Variants in FARP2 observed in about 807,000 individuals in gnomAD.
FARP2 encodes FERM, ARHGEF and pleckstrin domain-containing protein 2.
FARP2 carries 111 observed loss-of-function variants against 130.5 expected under a neutral mutation model. The observed-to-expected ratio is 0.85, with a 90% CI of 0.73 to 1.00. The LOEUF (loss-of-function observed/expected upper bound fraction) is 1.00, where lower values mean the gene tolerates loss of function less well. FARP2 is among the 50% of genes least tolerant of loss of function. The probability of loss-of-function intolerance (pLI) is 0.00; values close to 1 mark genes in which losing one functional copy is unlikely to be tolerated. For synonymous variants in FARP2, 504 were observed against 516.9 expected (o/e 0.98, Z 0.34); for missense variants, 1,385 against 1,346.3 (o/e 1.03, Z -0.45).
At chr2:241,489,647 A>C (rs2064845631) in intron 21 of FARP2, 1 of 202,442 alleles carries the variant, frequency 4.9e-6, no homozygotes, top group East Asian at 1.1e-4. Context: ...TTCATAAATG[A>C]ATTGTCCAAC....
chr2:241,386,736 CCCAGATTTGTT>C (rs2061792854), intron 2 of FARP2: 1 of 152,216 alleles, frequency 6.6e-6, no homozygotes, highest in Non-Finnish European at 1.5e-5. Flanking sequence ...ACCAATTTCA[CCCAGATTTGTT>C]ATCTTACAAA....
At chr2:241,468,047 C>T in intron 17 of FARP2, 93 bp from the exon 18 acceptor site, 1 of 892,918 alleles carries the variant, frequency 1.1e-6, no homozygotes, top group Non-Finnish European at 1.9e-6. Context: ...GTGGGGATTT[C>T]CAGCCGGCAC....
chr2:241,474,192 G>A (rs1315122415), intron 18 of FARP2, among the ~76,000 whole-genome samples: 2 of 151,842 alleles, frequency 1.3e-5, no homozygotes, highest in East Asian at 2.0e-4. Flanking sequence ...TGTAGTCCCA[G>A]CTACTCGGGA....
chr2:241,493,597 G>GTTTGTT (rs2065012838), intron 26 of FARP2, 153 bp downstream of exon 26: 1 of 525,772 alleles, frequency 1.9e-6, no homozygotes, highest in Non-Finnish European at 3.3e-6. Context: ...GCAATGCTTT[G>GTTTGTT]TTTTTTTTTT....
rs1216008034 is a variant in FARP2, at chr2:241,489,951, C to T, written c.2422-11C>T. ...TGGCCACAAGACTTGGACCGTTTCTCCCACCCACAGGTGGAAGAAAGTGAT... is the reference window on the plus strand; with the variant it reads ...TGGCCACAAGACTTGGACCGTTTCTTCCACCCACAGGTGGAAGAAAGTGAT... On this transcript the variant is annotated splice_polypyrimidine_tract_variant and intron_variant, in intron 21 of 26. Transcript: ENST00000264042. The T allele has an allele frequency of 3.2e-6, 5 of 1,587,094 alleles. No individual in the cohort carries two copies. Among genetic ancestry groups the T allele is most frequent in the East Asian group, 4.5e-5 (2 of 44,736 alleles).
At chr2:241,446,604 C>T (rs761706776) in intron 13 of FARP2, 2 of 152,174 alleles carry the variant, frequency 1.3e-5, no homozygotes, top group Non-Finnish European at 2.9e-5. Flanking sequence ...GATGCCAATA[C>T]ATATGTCTTC....
At chr2:241,422,661 G>A (rs942065627) in intron 8 of FARP2, among the ~76,000 whole-genome samples, 17 of 152,176 alleles carry the variant, frequency 1.1e-4, no homozygotes, top group African/African-American at 3.9e-4. Flanking sequence ...TGGAAGGTGG[G>A]TAATAATGAA....
In FARP2 at chr2:241,493,997, C is replaced by T. The variant is rs1574927196; in HGVS notation, c.3048-11C>T. The T allele has an allele frequency of 7.3e-7, 1 of 1,372,720 alleles. No homozygotes were observed. Among genetic ancestry groups the T allele is most frequent in the Non-Finnish European group, 9.5e-7 (1 of 1,054,802 alleles). The allele number at this position is 1,372,720 out of a possible 1,614,324, so 85.0% of individuals were successfully genotyped here. A position where few individuals can be genotyped will look rare whatever the true frequency, so the allele number is the denominator to read the frequency against. ...ATGGCTCACTGGTCTGATGGCCGCC[C>T]TCTCCTCCAGGTGGATGGAGGTGAT... On this transcript the variant is annotated splice_polypyrimidine_tract_variant and intron_variant, in intron 26 of 26. Transcript: ENST00000264042.
At chr2:241,455,469 C>T (rs2063805123) in intron 13 of FARP2, among the ~76,000 whole-genome samples, 1 of 152,210 alleles carries the variant, frequency 6.6e-6, no homozygotes, top group South Asian at 2.1e-4. Flanking sequence ...CAACCTCTGC[C>T]TCCTAGGTTC....
intron 1 of FARP2, among the ~76,000 whole-genome samples, chr2:241,362,815 G>T (rs142651022): frequency 6.6e-6 from 1 of 152,134 alleles, no homozygotes; most frequent in Admixed American, 6.6e-5. Context: ...ATGTATACTC[G>T]TCACTGTAGG....
chr2:241,486,986 C>T lies in FARP2; in HGVS notation c.2421+2655C>T, dbSNP rs553254232. On this transcript the variant is annotated intron_variant, in intron 21 of 26. Transcript: ENST00000264042. Reference sequence around the variant, plus strand: ...TTCACTTTGCATCCCTGCGGACTGTCGGTGAGGCCAGCCTGGCCCCTGTGT... The same window carrying T: ...TTCACTTTGCATCCCTGCGGACTGTTGGTGAGGCCAGCCTGGCCCCTGTGT... 5.3e-5 allele frequency among the ~76,000 whole-genome samples: 8 copies of T among 149,788 alleles called. No individual in the cohort carries two copies. In the South Asian group the frequency reaches 1.0e-3, roughly 19 times the overall value.
At chr2:241,375,264 A>G (rs1040087657) in intron 2 of FARP2, among the ~76,000 whole-genome samples, 5 of 152,086 alleles carry the variant, frequency 3.3e-5, no homozygotes, top group African/African-American at 4.8e-5. Context: ...AATCTTTTCA[A>G]TCAAGTGTTT....
chr2:241,441,381 C>A lies in FARP2; in HGVS notation c.1236C>A (p.Ser412=), dbSNP rs2063379613. ...SANAFYSLSP[S]TLVPSGLPEF... is the part of the protein sequence containing the mutation. ...ATGCCTTTTACTCGCTCTCTCCCTC[C>A]ACTCTGGTCCCCTCTGGCCTGCCAG... Residue 412 remains serine, a synonymous_variant, in exon 13 of 27, where the codon TCC becomes TCA. Coordinates refer to ENST00000264042, the MANE Select transcript of FARP2 (RefSeq NM_014808.4). The A allele has an allele frequency of 6.2e-7, 1 of 1,614,116 alleles. No homozygotes were observed. The highest frequency in any genetic ancestry group is 1.3e-5 in the African/African-American group (1 of 74,952).
At chr2:241,421,281 G>C (rs74000661) in intron 8 of FARP2, among the ~76,000 whole-genome samples, 3,296 of 152,296 alleles carry the variant, frequency 0.022, 112 homozygotes, top group African/African-American at 0.069. Flanking sequence ...AGAGACCTAG[G>C]AGTTTCACAT....
chr2:241,398,775 A>T (rs777997968), intron 2 of FARP2, among the ~76,000 whole-genome samples: 23 of 151,892 alleles, frequency 1.5e-4, no homozygotes, highest in Non-Finnish European at 2.9e-4. Flanking sequence ...CACCATGTTG[A>T]TCAGGCTGGT....
At chr2:241,484,214 C>A in intron 20 of FARP2, 28 bp from the exon 21 acceptor site, 2 of 1,613,730 alleles carry the variant, frequency 1.2e-6, no homozygotes, top group South Asian at 2.2e-5. Context: ...TTGTGAAGTT[C>A]ATGGATGTAA....
At chr2:241,394,335 G>A (rs1233081738) in intron 2 of FARP2, among the ~76,000 whole-genome samples, 1 of 151,978 alleles carries the variant, frequency 6.6e-6, no homozygotes, top group Non-Finnish European at 1.5e-5. Context: ...TGGCTAACAC[G>A]GTGAAACCCC....
intron 2 of FARP2, among the ~76,000 whole-genome samples, chr2:241,401,806 C>T (rs532451335): frequency 2.1e-3 from 136 of 64,156 alleles, no homozygotes; most frequent in Middle Eastern, 0.011. Flanking sequence ...TTTTTTGAGA[C>T]GGAGTTTCGC....
chr2:241,427,594 A>G (rs1160734437), intron 8 of FARP2, among the ~76,000 whole-genome samples: 1 of 152,164 alleles, frequency 6.6e-6, no homozygotes, highest in Non-Finnish European at 1.5e-5. Context: ...GTACTGGGGT[A>G]GAGGGTCCTG....
Sources: gnomAD v4.1 joint callset for allele counts (sites outside exome capture counted in the v4.1 genomes callset) on GRCh38, gnomAD v4.1.1 for gene constraint, MANE v1.5 for transcripts, NCBI Gene and HGNC (gene_info 2026-07-23, HGNC 2026-07-21) for gene names.